The following C1S variants were observed in gnomAD, a reference collection of about 807,000 sequenced individuals.
The protein encoded by C1S is complement C1s, also known as complement C1s subcomponent.
In C1S, 31 loss-of-function variants were observed where a neutral mutation model predicts 54.0. That is an observed-to-expected ratio of 0.57 (90% confidence interval 0.43 to 0.78). C1S has a LOEUF of 0.78. C1S is among the 30% of genes least tolerant of loss of function. C1S has a pLI of 0.00. For synonymous variants in C1S, 292 were observed against 303.6 expected (o/e 0.96, Z 0.40); for missense variants, 727 against 851.8 (o/e 0.85, Z 1.82).
rs1947154222 is a variant in C1S at position 7,065,117 on chromosome 12, G to A, written c.535G>A (p.Val179Ile). ...KNCGVNCSGDVFTALIGEIAS... is the reference protein window; with the variant it reads ...KNCGVNCSGDIFTALIGEIAS... Reference sequence around the variant, plus strand: ...TCTGTTAGTTAATTGCAGTGGGGATGTATTCACTGCACTGATTGGGGAGAT... The same window carrying A: ...TCTGTTAGTTAATTGCAGTGGGGATATATTCACTGCACTGATTGGGGAGAT... The change falls in exon 6 of 12, where the codon GTA (valine) becomes ATA (isoleucine). Residue 179 changes from valine to isoleucine, a missense_variant. Physicochemically the swap from Val to Ile is conservative, Grantham distance 29. Coordinates refer to ENST00000360817, the MANE Select transcript of C1S (RefSeq NM_001734.5). 2.5e-6 allele frequency: 4 copies of A among 1,613,206 alleles called. No homozygotes were observed. Among genetic ancestry groups the A allele is most frequent in the South Asian group, 2.2e-5 (2 of 91,062 alleles).
At chr12:7,065,338 A>G (rs1182305626) in intron 6 of C1S, 39 bp downstream of exon 6, 15 of 1,501,528 alleles carry the variant, frequency 1.0e-5, no homozygotes, top group African/African-American at 1.4e-5. Flanking sequence ...CTTAACTTAC[A>G]CAGAGAGATC....
intron 11 of C1S, 48 bp downstream of exon 11, chr12:7,068,578 G>A: frequency 7.9e-7 from 1 of 1,264,752 alleles, no homozygotes; most frequent in Non-Finnish European, 1.2e-6. Flanking sequence ...TGGGTGACTG[G>A]GAGTCACCTT....
chr12:7,063,374 C>T (rs1168786342), intron 4 of C1S: 3 of 489,046 alleles, frequency 6.1e-6, no homozygotes, highest in Non-Finnish European at 8.0e-6. Flanking sequence ...TCACTTTAAT[C>T]CTTCAAGGTA....
intron 8 of C1S, 109 bp downstream of exon 8, chr12:7,066,742 C>T: frequency 2.6e-6 from 2 of 762,972 alleles, no homozygotes; most frequent in Admixed American, 1.9e-5. Context: ...AGGTATAACA[C>T]CTTTCCCATA....
chr12:7,065,036 A>C lies in C1S; in HGVS notation c.518-64A>C, dbSNP rs1947152542. ...AGTTTCTGAGAGAAGGAATCATAGA[A>C]TAGTGCAGGAATTCCTTTGCTTGAC... On this transcript the variant is annotated intron_variant, in intron 5 of 11. Coordinates refer to ENST00000360817, the MANE Select transcript of C1S (RefSeq NM_001734.5). The C allele has an allele frequency of 4.5e-6, 6 of 1,333,800 alleles. No homozygotes were observed. The African/African-American group carries it at 5.7e-5, about 13-fold the overall frequency. The allele number at this position is 1,333,800 out of a possible 1,614,324, so 82.6% of individuals were successfully genotyped here. A position where few individuals can be genotyped will look rare whatever the true frequency, so the allele number is the denominator to read the frequency against.
At chr12:7,063,824 A>C (rs1947132322) in intron 4 of C1S, 1 of 363,076 alleles carries the variant, frequency 2.8e-6, no homozygotes, top group African/African-American at 2.1e-5. Context: ...CAGGAGTTCA[A>C]GACCAGCCTG....
Position 7,070,077 on chromosome 12 carries a change from C to T in C1S, c.1493C>T (p.Ala498Val). ...GSTSVQTSRL[A>V]KSKMLTPEHV... ...ACCTCAGTGCAGACCTCACGGCTGG[C>T]AAAATCCAAGATGCTCACTCCTGAG... The change falls in exon 12 of 12, where the codon GCA (alanine) becomes GTA (valine). Residue 498 changes from alanine to valine, a missense_variant. By Grantham distance (64) the Ala-to-Val change is moderately conservative. This residue lies in a region of C1S where 360 missense variants were observed against 453.6 expected (regional missense o/e 0.79). Coordinates refer to ENST00000360817, the MANE Select transcript of C1S (RefSeq NM_001734.5). This position sits in a 1 kb window ranked among gnomAD's most constrained non-coding sequence, Gnocchi z 4.9. The T allele has an allele frequency of 6.2e-7, 1 of 1,614,104 alleles. No homozygotes were observed. The highest frequency in any genetic ancestry group is 8.5e-7 in the Non-Finnish European group (1 of 1,180,006).
intron 6 of C1S, among the ~76,000 whole-genome samples, 184 bp from the exon 7 acceptor site, chr12:7,065,633 G>C (rs1947164393): frequency 6.6e-6 from 1 of 152,018 alleles, no homozygotes; most frequent in Non-Finnish European, 1.5e-5. Flanking sequence ...GCCTCCCAAA[G>C]TGCTGGGATT....
intron 2 of C1S, chr12:7,062,128 C>T (rs782573156): frequency 7.9e-5 from 47 of 594,652 alleles, no homozygotes; most frequent in Non-Finnish European, 1.2e-4. Flanking sequence ...AAAATTAGCC[C>T]AGCGTCATGC....
intron 11 of C1S, 78 bp from the exon 12 acceptor site, chr12:7,069,774 CATT>C (rs782616263): frequency 2.9e-5 from 35 of 1,196,694 alleles, no homozygotes; most frequent in African/African-American, 2.8e-4. Flanking sequence ...TAGCAGGTAA[CATT>C]ATGTGAGTGG....
intron 4 of C1S, 131 bp downstream of exon 4, chr12:7,063,198 C>T (rs1947123200): frequency 1.3e-5 from 11 of 842,626 alleles, no homozygotes; most frequent in Non-Finnish European, 1.9e-5. Flanking sequence ...TGGCCTGGGT[C>T]GCTCCATAAA....
intron 8 of C1S, 183 bp downstream of exon 8, chr12:7,066,816 C>A: frequency 1.4e-6 from 1 of 706,140 alleles, no homozygotes; most frequent in South Asian, 1.5e-5. Flanking sequence ...GCCAGCTTGG[C>A]ATTCTCTCTG....
In C1S at chr12:7,070,867, C is replaced by G; in HGVS notation, c.*216C>G. 1.7e-6 allele frequency: 1 copy of G among 590,484 alleles called. No individual in the cohort carries two copies. Among genetic ancestry groups the G allele is most frequent in the Non-Finnish European group, 3.0e-6 (1 of 328,222 alleles). The allele number at this position is 590,484 out of a possible 1,614,324, so 36.6% of individuals were successfully genotyped here. On this transcript the variant is annotated 3_prime_UTR_variant, in exon 12 of 12. Transcript: ENST00000360817. The surrounding 1 kb of genome is among the most constrained non-coding windows in gnomAD (Gnocchi z 4.9). ...GTCTGACTCCTTGGGGTCCTTTCCC[C>G]GGAGTACCTATTGTAGATAACACTA... is the stretch of plus-strand genomic sequence containing the variant.
Position 7,062,533 on chromosome 12 carries a change from G to A in C1S, c.64G>A (p.Glu22Lys). ...WVYAEPTMYGEILSPNYPQAY... is the reference protein window; with the variant it reads ...WVYAEPTMYGKILSPNYPQAY... ...TTATGCTGAGCCTACCATGTATGGG[G>A]AGATCCTGTCCCCTAACTATCCTCA... Residue 22 changes from glutamate (E) to lysine (K), a missense_variant, in exon 3 of 12, where the codon GAG (glutamate) becomes AAG (lysine). Glu to Lys is a moderately conservative substitution (Grantham distance 56). Coordinates refer to ENST00000360817, the MANE Select transcript of C1S (RefSeq NM_001734.5). 6.2e-7 allele frequency: 1 copy of A among 1,613,982 alleles called. No individual in the cohort carries two copies. The highest frequency in any genetic ancestry group is 1.1e-5 in the South Asian group (1 of 91,080).
intron 7 of C1S, 89 bp downstream of exon 7, chr12:7,066,059 T>G: frequency 8.6e-7 from 1 of 1,167,614 alleles, no homozygotes. Context: ...CCAGGCACAC[T>G]GGAAGCACCT....
rs1352977965 is a variant in C1S, at chr12:7,068,728, C to A, written c.1270+198C>A. On this transcript the variant is annotated intron_variant, in intron 11 of 11. Coordinates refer to ENST00000360817, the MANE Select transcript of C1S (RefSeq NM_001734.5). ...CTCAGCCGCACTGAAGCCAGGCCAA[C>A]TGGAAGGAAATAGAAACGTCAGCCA... 1.9e-5 allele frequency: 11 copies of A among 590,968 alleles called. No homozygotes were observed. The Admixed American group carries it at 2.0e-4, about 11-fold the overall frequency. 36.6% of individuals were successfully genotyped at this position (590,968 alleles called of 1,614,324 possible). A position where few individuals can be genotyped will look rare whatever the true frequency, so the allele number is the denominator to read the frequency against.
intron 10 of C1S, 129 bp downstream of exon 10, chr12:7,067,900 T>G: frequency 9.9e-7 from 1 of 1,010,724 alleles, no homozygotes. Context: ...TTCATCCCCT[T>G]GGCTTCGTCC....
intron 8 of C1S, 34 bp downstream of exon 8, chr12:7,066,667 G>A (rs1365589979): frequency 3.1e-6 from 4 of 1,276,624 alleles, no homozygotes; most frequent in Non-Finnish European, 4.6e-6. Flanking sequence ...CCCAGTCCCT[G>A]GCCCCAGATC....
At chr12:7,062,449 G>A (rs782135900) in intron 2 of C1S, 26 bp from the exon 3 acceptor site, 15 of 1,591,792 alleles carry the variant, frequency 9.4e-6, no homozygotes, top group Middle Eastern at 2.2e-4. Flanking sequence ...CTGGTCACCC[G>A]CCAATCTATG....
Sources: gnomAD v4.1 joint callset for allele counts (sites outside exome capture counted in the v4.1 genomes callset) on GRCh38, gnomAD v4.1.1 for gene constraint, gnomAD v4.1.1 regional missense constraint, Gnocchi (gnomAD v3.1) non-coding constraint, MANE v1.5 for transcripts, NCBI Gene and HGNC (gene_info 2026-07-23, HGNC 2026-07-21) for gene names.